Variants in TTC6 observed in about 807,000 individuals in gnomAD.
TTC6 encodes the protein tetratricopeptide repeat protein 6.
TTC6 carries 172 observed loss-of-function variants against 210.4 expected under a neutral mutation model. That is an observed-to-expected ratio of 0.82 (90% CI 0.72 to 0.93). The LOEUF is 0.93. Among genes scored for constraint, TTC6 ranks in the 40% least tolerant of loss-of-function variants. The pLI is 0.00. For synonymous variants in TTC6, 804 were observed against 819.6 expected (o/e 0.98, Z 0.32); for missense variants, 2,414 against 2,318.1 (o/e 1.04, Z -0.85).
chr14:37,791,552 A>G (rs975335707), intron 16 of TTC6, among the ~76,000 whole-genome samples: 1 of 152,166 alleles, frequency 6.6e-6, no homozygotes, highest in Non-Finnish European at 1.5e-5. Context: ...TTCATGGAGC[A>G]TGGCTCCCAT....
intron 26 of TTC6, among the ~76,000 whole-genome samples, chr14:37,818,590 T>C (rs895910570): frequency 6.6e-6 from 1 of 152,172 alleles, no homozygotes. Flanking sequence ...ATTTAGGAAA[T>C]TGACATCCTT....
intron 14 of TTC6, among the ~76,000 whole-genome samples, chr14:37,767,096 A>G (rs1566940124): frequency 1.3e-5 from 2 of 152,134 alleles, no homozygotes; most frequent in Non-Finnish European, 2.9e-5. Flanking sequence ...GATGATTTCC[A>G]ATTTCATCCA....
At chr14:37,772,021 C>T (rs2096020638) in intron 14 of TTC6, among the ~76,000 whole-genome samples, 6 of 152,102 alleles carry the variant, frequency 3.9e-5, no homozygotes, top group South Asian at 4.1e-4. Context: ...TTCCTTCTAA[C>T]GGACAGGACC....
chr14:37,726,258 C>T (rs2095872868), intron 7 of TTC6, among the ~76,000 whole-genome samples: 1 of 152,108 alleles, frequency 6.6e-6, no homozygotes. Flanking sequence ...GAAAACATAA[C>T]ATGAGTAATA....
chr14:37,819,333 T>A (rs568168202), intron 26 of TTC6, among the ~76,000 whole-genome samples: 1 of 152,350 alleles, frequency 6.6e-6, no homozygotes, highest in South Asian at 2.1e-4. Flanking sequence ...ACTATGGGGA[T>A]TCATTCCTGA....
chr14:37,694,653 A>G lies in TTC6; in HGVS notation c.1258-2064A>G, dbSNP rs149869455. Among the ~76,000 whole-genome samples the G allele has an allele frequency of 3.5e-3, 531 of 152,292 alleles. 4 individuals carry two copies. Among genetic ancestry groups the G allele is most frequent in the African/African-American group, 0.012 (511 of 41,560 alleles). On this transcript the variant is annotated intron_variant, in intron 3 of 30. Coordinates refer to ENST00000553443, the Ensembl canonical transcript of TTC6. ...TGTTTGTTGCAGCACTGGTCACACA[A>G]CAGCCAAGATTTGAAAGCAACCTAA...
At chr14:37,645,195 T>C (rs888591648) in intron 1 of TTC6, among the ~76,000 whole-genome samples, 11 of 152,304 alleles carry the variant, frequency 7.2e-5, no homozygotes, top group African/African-American at 2.6e-4. Flanking sequence ...TTTTCAGCTG[T>C]GGAAAAATTT....
chr14:37,597,211 AG>A (rs1442865810), intron 1 of TTC6, among the ~76,000 whole-genome samples: 10 of 152,254 alleles, frequency 6.6e-5, no homozygotes, highest in African/African-American at 2.4e-4. Flanking sequence ...TTTTGTGCAA[AG>A]TTCCCATTAG....
chr14:37,832,864 C>T (rs539155533), intron 29 of TTC6, among the ~76,000 whole-genome samples: 1 of 151,950 alleles, frequency 6.6e-6, no homozygotes, highest in East Asian at 1.9e-4. Flanking sequence ...TCAAGATCAT[C>T]CTGGCCAATA....
At position 37,629,093 on chromosome 14, in the gene TTC6, T is replaced by C. The variant is rs546441682; in HGVS notation, c.939+6090T>C. The stretch of plus-strand genomic sequence containing the variant: ...AGGATTGTCTTGGCTATACGGGCTC[T>C]TTTTTGGTTCCATATGAAATTTAAA... On this transcript the variant is annotated intron_variant, in intron 1 of 30. Transcript: ENST00000553443. 1.1e-4 allele frequency among the ~76,000 whole-genome samples: 17 copies of C among 152,332 alleles called. 1 individual carries two copies. The East Asian group carries it at 3.1e-3, about 28-fold the overall frequency.
At chr14:37,791,239 C>T (rs563676334) in intron 16 of TTC6, among the ~76,000 whole-genome samples, 2 of 152,020 alleles carry the variant, frequency 1.3e-5, no homozygotes, top group African/African-American at 4.8e-5. Flanking sequence ...GGATACAACT[C>T]AATGGAAGGC....
At chr14:37,631,625 G>C (rs888032069) in intron 1 of TTC6, among the ~76,000 whole-genome samples, 1 of 152,124 alleles carries the variant, frequency 6.6e-6, no homozygotes. Flanking sequence ...TCTTTGTGTT[G>C]TTCTCTGTAT....
chr14:37,692,306 A>G (rs2095805430), intron 3 of TTC6, among the ~76,000 whole-genome samples: 1 of 151,060 alleles, frequency 6.6e-6, no homozygotes, highest in Non-Finnish European at 1.5e-5. Flanking sequence ...ACAAAGTATT[A>G]GCAAACTGAA....
At chr14:37,668,720 T>TGTGGACAGAGTGAGAG (rs1159767584) in intron 1 of TTC6, among the ~76,000 whole-genome samples, 1 of 152,160 alleles carries the variant, frequency 6.6e-6, no homozygotes, top group Non-Finnish European at 1.5e-5. Flanking sequence ...TGGCAAAAGG[T>TGTGGACAGAGTGAGAG]GTGGACAGAG....
chr14:37,629,506 G>T (rs758042562), intron 1 of TTC6, among the ~76,000 whole-genome samples: 2 of 152,170 alleles, frequency 1.3e-5, no homozygotes, highest in African/African-American at 2.4e-5. Flanking sequence ...GAGATTTTGG[G>T]CTGAGAGGAT....
At chr14:37,690,928 C>T (rs2095802429) in intron 3 of TTC6, among the ~76,000 whole-genome samples, 1 of 152,128 alleles carries the variant, frequency 6.6e-6, no homozygotes, top group South Asian at 2.1e-4. Context: ...ACATTCTTTT[C>T]CTTAGCATGT....
At chr14:37,770,770 G>A (rs1326274145) in intron 14 of TTC6, among the ~76,000 whole-genome samples, 3 of 147,438 alleles carry the variant, frequency 2.0e-5, no homozygotes, top group Admixed American at 6.8e-5. Flanking sequence ...TTGCCAGTCT[G>A]TGTCTTTTAA....
chr14:37,720,545 A>T (rs2095859784), intron 6 of TTC6: 1 of 151,048 alleles, frequency 6.6e-6, no homozygotes, highest in East Asian at 1.9e-4. Context: ...ATGAACACTG[A>T]AGCAGGTTGC....
intron 1 of TTC6, among the ~76,000 whole-genome samples, chr14:37,633,233 A>C (rs2095673489): frequency 6.6e-6 from 1 of 152,210 alleles, no homozygotes; most frequent in Admixed American, 6.5e-5. Context: ...TTTGTGCGTG[A>C]AACCCAGGGC....
Sources: gnomAD v4.1 joint callset for allele counts (sites outside exome capture counted in the v4.1 genomes callset) on GRCh38, gnomAD v4.1.1 for gene constraint, MANE v1.5 for transcripts, NCBI Gene and HGNC (gene_info 2026-07-23, HGNC 2026-07-21) for gene names.